MYO3A: variants seen among roughly 807,000 people sequenced by gnomAD.
MYO3A encodes myosin IIIA, also known as myosin-IIIa.
In MYO3A, 180 loss-of-function variants were observed where a neutral mutation model predicts 192.7. That is an observed-to-expected ratio of 0.93 (90% CI 0.83 to 1.06). The LOEUF is 1.06. MYO3A is among the 50% of genes least tolerant of loss of function. The pLI, the probability that MYO3A is intolerant of heterozygous loss-of-function variation, is 0.00. For synonymous variants in MYO3A, 628 were observed against 645.3 expected (o/e 0.97, Z 0.41); for missense variants, 1,896 against 1,905.0 (o/e 1.00, Z 0.09).
chr10:26,143,434 T>C lies in MYO3A; in HGVS notation c.2263-14T>C. ...TATTATTCACAGTTTTAAGTGGTTT[T>C]GTCTTTATTATAGAATGAATACCTA... On this transcript the variant is annotated splice_polypyrimidine_tract_variant and intron_variant, in intron 20 of 34. Coordinates refer to ENST00000642920, the MANE Select transcript of MYO3A (RefSeq NM_017433.5). 1 of 1,603,720 alleles carries C rather than the reference T, an allele frequency of 6.2e-7. No individual in the cohort carries two copies. The highest frequency in any genetic ancestry group is 8.5e-7 in the Non-Finnish European group (1 of 1,170,832).
chr10:26,164,765 A>G (rs1297691481), intron 26 of MYO3A, among the ~76,000 whole-genome samples: 3 of 152,166 alleles, frequency 2.0e-5, no homozygotes, highest in Admixed American at 1.3e-4. Flanking sequence ...GGAGTGCACA[A>G]CAAAGGAATG....
chr10:25,952,795 T>C (rs1837289542), intron 3 of MYO3A, among the ~76,000 whole-genome samples: 1 of 151,740 alleles, frequency 6.6e-6, no homozygotes, highest in Admixed American at 6.6e-5. Flanking sequence ...CAGGGCAAAG[T>C]TCCTTATTGT....
At chr10:26,100,651 G>A (rs1837382459) in intron 17 of MYO3A, among the ~76,000 whole-genome samples, 2 of 152,058 alleles carry the variant, frequency 1.3e-5, no homozygotes, top group Admixed American at 1.3e-4. Flanking sequence ...ATTTCGTTAT[G>A]TACCCAGTAG....
rs1042939795 is a variant in MYO3A, at chr10:26,060,825, G to A, written c.954-6150G>A. On this transcript the variant is annotated intron_variant, in intron 10 of 34. Transcript: ENST00000642920. ...ATTATACAAAGAAAAATGATTTAAA[G>A]CTATTTTCTATCCAAACCTCAAACA... Among the ~76,000 whole-genome samples, 116 of 152,288 alleles carry A rather than the reference G, an allele frequency of 7.6e-4. 1 individual carries two copies. The highest frequency in any genetic ancestry group is 7.5e-3 in the Admixed American group (115 of 15,292).
At chr10:26,209,248 A>G (rs1358876723) in intron 34 of MYO3A, among the ~76,000 whole-genome samples, 3 of 152,234 alleles carry the variant, frequency 2.0e-5, no homozygotes, top group African/African-American at 4.8e-5. Flanking sequence ...TCCAAGTGCT[A>G]TCATTGACTC....
At chr10:25,986,584 CAAG>C (rs1839668183) in intron 4 of MYO3A, among the ~76,000 whole-genome samples, 1 of 152,052 alleles carries the variant, frequency 6.6e-6, no homozygotes, top group African/African-American at 2.4e-5. Flanking sequence ...AGAATCAAAT[CAAG>C]AACTCAAACT....
Position 25,991,457 on chromosome 10 carries a change from G to A in MYO3A, c.304-5033G>A, listed in dbSNP as rs962551486. On this transcript the variant is annotated intron_variant, in intron 4 of 34. Coordinates refer to ENST00000642920, the MANE Select transcript of MYO3A (RefSeq NM_017433.5). Reference sequence around the variant, plus strand: ...GATTGCAAAAATTTTCTCCCATTCTGTAGGATGCCTGTTCACTCTGATGGT... The same window carrying A: ...GATTGCAAAAATTTTCTCCCATTCTATAGGATGCCTGTTCACTCTGATGGT... 1.6e-4 allele frequency among the ~76,000 whole-genome samples: 24 copies of A among 152,266 alleles called. No individual in the cohort carries two copies. The South Asian group carries it at 2.3e-3, about 14-fold the overall frequency.
At chr10:26,082,286 G>A (rs1836007310) in intron 14 of MYO3A, among the ~76,000 whole-genome samples, 1 of 152,054 alleles carries the variant, frequency 6.6e-6, no homozygotes, top group African/African-American at 2.4e-5. Context: ...AGTTTTCAGT[G>A]TACAGATCTG....
At chr10:26,161,777 T>A (rs975816682) in intron 26 of MYO3A, among the ~76,000 whole-genome samples, 5 of 152,184 alleles carry the variant, frequency 3.3e-5, no homozygotes, top group Non-Finnish European at 5.9e-5. Flanking sequence ...TTTTATTATT[T>A]TTTTTGCCTC....
intron 32 of MYO3A, among the ~76,000 whole-genome samples, chr10:26,195,482 A>G (rs535664545): frequency 1.3e-5 from 2 of 152,124 alleles, no homozygotes; most frequent in Admixed American, 6.5e-5. Context: ...CAATTATACT[A>G]TCCTCCCATT....
chr10:26,076,420 T>A lies in MYO3A; in HGVS notation c.1359+6019T>A, dbSNP rs1450142394. Reference sequence around the variant, plus strand: ...TTAGTCCTTTGTCAGATGTATAGATTGTGAAGATTTTTTTTCCCACTCTGT... The same window carrying A: ...TTAGTCCTTTGTCAGATGTATAGATAGTGAAGATTTTTTTTCCCACTCTGT... On this transcript the variant is annotated intron_variant, in intron 14 of 34. Coordinates refer to ENST00000642920, the MANE Select transcript of MYO3A (RefSeq NM_017433.5). Among the ~76,000 whole-genome samples the A allele has an allele frequency of 2.6e-5, 4 of 152,294 alleles. No individual in the cohort carries two copies. The East Asian group carries it at 5.8e-4, about 22-fold the overall frequency.
chr10:26,116,981 T>A (rs963876929), intron 17 of MYO3A, among the ~76,000 whole-genome samples: 1 of 152,220 alleles, frequency 6.6e-6, no homozygotes, highest in Non-Finnish European at 1.5e-5. Flanking sequence ...TCTGGGTCTG[T>A]TCTCATCAGA....
At chr10:25,970,666 T>A (rs1838581778) in intron 4 of MYO3A, among the ~76,000 whole-genome samples, 1 of 151,828 alleles carries the variant, frequency 6.6e-6, no homozygotes, top group African/African-American at 2.4e-5. Context: ...ATAAAGTAAA[T>A]AAACTTGATC....
intron 7 of MYO3A, among the ~76,000 whole-genome samples, chr10:26,021,128 A>C (rs945098409): frequency 2.4e-4 from 37 of 152,112 alleles, no homozygotes; most frequent in Admixed American, 2.4e-3. Context: ...CATAGCCTTC[A>C]TCTTTGCCCA....
At chr10:26,176,552 C>G in intron 30 of MYO3A, 149 bp from the exon 31 acceptor site, 1 of 689,468 alleles carries the variant, frequency 1.5e-6, no homozygotes, top group South Asian at 1.8e-5. Flanking sequence ...AGAACTTTAT[C>G]AGACCTTGGT....
At position 26,096,612 on chromosome 10, in the gene MYO3A, A is replaced by G. The variant is rs933573296; in HGVS notation, c.1706A>G (p.Asn569Ser). 1.9e-6 allele frequency: 3 copies of G among 1,606,540 alleles called. No homozygotes were observed. Among genetic ancestry groups the G allele is most frequent in the Non-Finnish European group, 2.6e-6 (3 of 1,173,198 alleles). Reference sequence around the variant, plus strand: ...CTCAGAACAGTACAAGACATCATGAATAATAGTTTCTATAAATCCCAGTAT... The same window carrying G: ...CTCAGAACAGTACAAGACATCATGAGTAATAGTTTCTATAAATCCCAGTAT... ...DHLRTVQDIM[N>S]NSFYKSQYEL... Residue 569 changes from asparagine (N) to serine (S), a missense_variant, in exon 17 of 35, where the codon AAT becomes AGT. Coordinates refer to ENST00000642920, the MANE Select transcript of MYO3A (RefSeq NM_017433.5).
intron 14 of MYO3A, among the ~76,000 whole-genome samples, chr10:26,079,413 A>G (rs1272997891): frequency 6.6e-6 from 1 of 152,158 alleles, no homozygotes; most frequent in African/African-American, 2.4e-5. Context: ...GAGTCCCCTG[A>G]ATGCAGCAGA....
At chr10:26,108,565 T>C (rs1837969447) in intron 17 of MYO3A, among the ~76,000 whole-genome samples, 1 of 152,250 alleles carries the variant, frequency 6.6e-6, no homozygotes, top group South Asian at 2.1e-4. Context: ...AAGGCACTGT[T>C]GACTCCCTTC....
intron 15 of MYO3A, among the ~76,000 whole-genome samples, chr10:26,092,940 T>C (rs1836786186): frequency 6.6e-6 from 1 of 152,180 alleles, no homozygotes; most frequent in Admixed American, 6.5e-5. Context: ...AACTTTCTGA[T>C]TGTCCGCTGA....
Sources: gnomAD v4.1 joint callset for allele counts (sites outside exome capture counted in the v4.1 genomes callset) on GRCh38, gnomAD v4.1.1 for gene constraint, MANE v1.5 for transcripts, NCBI Gene and HGNC (gene_info 2026-07-23, HGNC 2026-07-21) for gene names.